Variants in KRT86 observed in about 807,000 individuals in gnomAD.
The protein encoded by KRT86 is keratin 86.
In KRT86, 30 loss-of-function variants were observed where a neutral mutation model predicts 41.2. That is an observed-to-expected ratio of 0.73 (90% CI 0.54 to 0.99). KRT86 has a LOEUF of 0.99. KRT86 is among the 50% of genes least tolerant of loss of function. The probability of loss-of-function intolerance (pLI) is 0.00; values close to 1 mark genes in which losing one functional copy is unlikely to be tolerated. For synonymous variants in KRT86, 238 were observed against 238.1 expected, an observed-to-expected ratio of 1.00 and a Z score of 0.00; for missense variants, 561 against 571.4, an observed-to-expected ratio of 0.98 and a Z score of 0.19.
chr12:52,287,654 T>C (rs753834625), intron 2 of KRT86: 213 of 1,613,798 alleles, frequency 1.3e-4, no homozygotes, highest in Non-Finnish European at 1.7e-4. Context: ...GTTCAGCTCA[T>C]TGATCTCCTC....
In KRT86 at chr12:52,302,126, G is replaced by T. The variant is rs1423630474; in HGVS notation, c.210G>T (p.Val70=). Residue 70 remains valine, a synonymous_variant, in exon 3 of 11, where the codon GTG becomes GTT. Coordinates refer to ENST00000423955, the MANE Select transcript of KRT86 (RefSeq NM_001320198.2). ...GRSFGYRSGG[V]CGPSPPCITT... is the part of the protein sequence containing the mutation. The stretch of plus-strand genomic sequence containing the variant: ...GCTTCGGCTACCGCTCCGGGGGCGT[G>T]TGCGGGCCCAGTCCCCCATGCATCA... The T allele has an allele frequency of 6.5e-7, 1 of 1,539,666 alleles. No homozygotes were observed. Among genetic ancestry groups the T allele is most frequent in the East Asian group, 2.4e-5 (1 of 41,492 alleles).
intron 2 of KRT86, among the ~76,000 whole-genome samples, chr12:52,295,400 G>T (rs1938224795): frequency 6.6e-6 from 1 of 152,216 alleles, no homozygotes; most frequent in Admixed American, 6.5e-5. Context: ...GAGCCTGTGT[G>T]TCTGATCCCA....
At position 52,305,663 on chromosome 12, in the gene KRT86, T is replaced by C. The variant is rs1301650416; in HGVS notation, c.901T>C (p.Cys301Arg). 2 of 1,613,928 alleles carry C rather than the reference T, an allele frequency of 1.2e-6. No individual in the cohort carries two copies. The highest frequency in any genetic ancestry group is 1.7e-6 in the Non-Finnish European group (2 of 1,179,898). The change falls in exon 8 of 11, where the codon TGT becomes CGT. Residue 301 changes from cysteine (C) to arginine (R), a missense_variant and splice_region_variant. This residue lies in a region of KRT86 where 397 missense variants were observed against 375.9 expected (regional missense o/e 1.06). Coordinates refer to ENST00000423955, the MANE Select transcript of KRT86 (RefSeq NM_001320198.2). ...TCATGAGCATCTCTACTTCCCCCAG[T>C]GTGAGGAGATGAAGGCCACGGTGAT... ...AEAESWYRSK[C>R]EEMKATVIRH...
At chr12:52,281,013 T>C (rs1159450681) in intron 2 of KRT86, among the ~76,000 whole-genome samples, 1 of 152,106 alleles carries the variant, frequency 6.6e-6, no homozygotes, top group Non-Finnish European at 1.5e-5. Context: ...CCCAGGGCTT[T>C]GGGGTCAGGT....
At chr12:52,292,381 T>C (rs1244053380) in intron 2 of KRT86, among the ~76,000 whole-genome samples, 1 of 152,222 alleles carries the variant, frequency 6.6e-6, no homozygotes, top group Non-Finnish European at 1.5e-5. Flanking sequence ...CATCTCAGAT[T>C]CAATTTTCCT....
intron 2 of KRT86, chr12:52,287,886 C>T: frequency 6.2e-7 from 1 of 1,607,974 alleles, no homozygotes; most frequent in Non-Finnish European, 8.5e-7. Flanking sequence ...CTTCTCATCC[C>T]TAGGGACCAG....
chr12:52,291,521 T>C (rs897177661), intron 2 of KRT86: 17 of 1,603,938 alleles, frequency 1.1e-5, no homozygotes, highest in African/African-American at 8.0e-5. Context: ...GGAGTCCTGA[T>C]GGAAACTCCA....
intron 2 of KRT86, among the ~76,000 whole-genome samples, chr12:52,285,426 T>C (rs1937893908): frequency 6.6e-6 from 1 of 152,216 alleles, no homozygotes; most frequent in Non-Finnish European, 1.5e-5. Context: ...ATTCATGTAT[T>C]CACCTCTTAA....
In KRT86 at chr12:52,308,268, A is replaced by G. The variant is rs1163779721; in HGVS notation, c.1279+4A>G. On this transcript the variant is annotated splice_donor_region_variant and intron_variant, in intron 10 of 10. Transcript: ENST00000423955. The stretch of plus-strand genomic sequence containing the variant: ...GGCGTCGGCTCGGTGAATGTCTGTA[A>G]GTAGTGGGGTCCGTCCCCTCCTCCC... The G allele has an allele frequency of 1.2e-6, 2 of 1,614,040 alleles. No individual in the cohort carries two copies. The highest frequency in any genetic ancestry group is 2.7e-5 in the African/African-American group (2 of 74,938).
At chr12:52,294,074 A>G (rs1256711906) in intron 2 of KRT86, among the ~76,000 whole-genome samples, 1 of 152,164 alleles carries the variant, frequency 6.6e-6, no homozygotes, top group Non-Finnish European at 1.5e-5. Context: ...CCCAGAGAAG[A>G]GTATGGCACC....
chr12:52,276,162 A>T (rs935580525), intron 2 of KRT86, among the ~76,000 whole-genome samples: 13 of 152,178 alleles, frequency 8.5e-5, no homozygotes, highest in Non-Finnish European at 1.5e-4. Flanking sequence ...ATGTAGGTAA[A>T]TCTGTATGAA....
chr12:52,305,998 C>G, intron 8 of KRT86, 62 bp from the exon 9 acceptor site: 1 of 1,600,260 alleles, frequency 6.2e-7, no homozygotes, highest in Non-Finnish European at 8.5e-7. Context: ...ATGGTCTCAT[C>G]GAGGTAAGCA....
chr12:52,279,752 G>A (rs1470468680), intron 2 of KRT86, among the ~76,000 whole-genome samples: 3 of 152,220 alleles, frequency 2.0e-5, no homozygotes, highest in East Asian at 1.9e-4. Flanking sequence ...CATGGGGAAA[G>A]CGAGAGAAAG....
At position 52,308,450 on chromosome 12, in the gene KRT86, C is replaced by T; in HGVS notation, c.1326C>T (p.Ala442=). The change falls in exon 11 of 11, where the codon GCC becomes GCT. Residue 442 remains alanine (A), a synonymous_variant. Transcript: ENST00000423955. The stretch of plus-strand genomic sequence containing the variant: ...GCGTTGTCTGTGGCGATCTCTGCGC[C>T]TCCACTACTGCCCCTGTTGTCTCCA... ...RGGVVCGDLC[A]STTAPVVSTR... is the part of the protein sequence containing the mutation. The T allele has an allele frequency of 1.2e-6, 2 of 1,611,988 alleles. No homozygotes were observed. Among genetic ancestry groups the T allele is most frequent in the Non-Finnish European group, 1.7e-6 (2 of 1,179,824 alleles).
Position 52,306,079 on chromosome 12 carries a change from C to CGGT in KRT86, c.1049_1051dup (p.Val350dup). On this transcript the variant is annotated inframe_insertion, in exon 9 of 11. Coordinates refer to ENST00000423955, the MANE Select transcript of KRT86 (RefSeq NM_001320198.2). ...CTTCAGAATTCCAAGCTGGAGGCTGCGGTGGCTCAGTCTGAGCAGCAGGGT... is the reference window on the plus strand; with the variant it reads ...CTTCAGAATTCCAAGCTGGAGGCTGCGGTGGTGGCTCAGTCTGAGCAGCAGGGT... The CGGT allele has an allele frequency of 1.9e-6, 3 of 1,613,988 alleles. No homozygotes were observed. Among genetic ancestry groups the CGGT allele is most frequent in the Non-Finnish European group, 2.5e-6 (3 of 1,180,014 alleles).
At chr12:52,283,468 G>T (rs1318053779) in intron 2 of KRT86, among the ~76,000 whole-genome samples, 1 of 100,996 alleles carries the variant, frequency 9.9e-6, no homozygotes, top group African/African-American at 3.7e-5. Context: ...CCTAATCCAA[G>T]CATTTTTTTT....
intron 2 of KRT86, chr12:52,286,765 G>A: frequency 6.2e-7 from 1 of 1,611,256 alleles, no homozygotes. Context: ...TAGTAAATCT[G>A]TCCACACTGG....
At chr12:52,278,406 T>C (rs1365429050) in intron 2 of KRT86, among the ~76,000 whole-genome samples, 2 of 151,278 alleles carry the variant, frequency 1.3e-5, no homozygotes, top group African/African-American at 2.4e-5. Flanking sequence ...CGGTCTCACC[T>C]TCCAAGATCA....
At chr12:52,283,298 C>T (rs2121211907) in intron 2 of KRT86, among the ~76,000 whole-genome samples, 1 of 143,192 alleles carries the variant, frequency 7.0e-6, no homozygotes, top group South Asian at 2.2e-4. Flanking sequence ...GAGGCTGAGG[C>T]AGGAGAATTG....
Sources: allele counts gnomAD v4.1 joint callset (sites outside exome capture counted in the v4.1 genomes callset), GRCh38; gene constraint gnomAD v4.1.1; regional missense constraint gnomAD v4.1.1; transcripts MANE v1.5; gene names NCBI Gene and HGNC (gene_info 2026-07-23, HGNC 2026-07-21).